HERC6: variants seen among roughly 807,000 people sequenced by gnomAD.
The protein encoded by HERC6 is HECT and RLD domain containing E3 ubiquitin protein ligase family member 6, also known as probable E3 ubiquitin-protein ligase HERC6.
A neutral mutation model predicts 114.5 loss-of-function variants in HERC6; 101 were observed. The observed-to-expected ratio is 0.88, with a 90% CI of 0.75 to 1.04. The LOEUF (loss-of-function observed/expected upper bound fraction) is 1.04. Among genes scored for constraint, HERC6 ranks in the 50% least tolerant of loss-of-function variants. The probability of loss-of-function intolerance (pLI) is 0.00; values close to 1 mark genes in which losing one functional copy is unlikely to be tolerated. For synonymous variants in HERC6, 408 were observed against 436.2 expected, an observed-to-expected ratio of 0.94 and a Z score of 0.81; for missense variants, 1,133 against 1,230.9, an observed-to-expected ratio of 0.92 and a Z score of 1.19.
chr4:88,402,865 G>GA lies in HERC6; in HGVS notation c.1093-2006dup, dbSNP rs970727548. On this transcript the variant is annotated intron_variant, in intron 8 of 22. Transcript: ENST00000264346. The stretch of plus-strand genomic sequence containing the variant: ...TCCCAAGTTTCCTGGGATGTGGGGG[G>GA]AAAAACTCTTCCTCTTGATCAAACT... Among the ~76,000 whole-genome samples the GA allele has an allele frequency of 3.7e-4, 57 of 152,112 alleles. 2 individuals are homozygous for GA. Among genetic ancestry groups the GA allele is most frequent in the Non-Finnish European group, 7.4e-5 (5 of 68,024 alleles).
chr4:88,409,137 A>G (rs10016660), intron 11 of HERC6, among the ~76,000 whole-genome samples: 28,982 of 152,198 alleles, frequency 0.19, 3,080 homozygotes, highest in East Asian at 0.33. Context: ...GGGAAGTTGC[A>G]AATCTTATGA....
intron 9 of HERC6, 90 bp from the exon 10 acceptor site, chr4:88,405,464 G>A (rs566409194): frequency 1.5e-4 from 89 of 580,732 alleles, no homozygotes; most frequent in African/African-American, 1.1e-3. Context: ...ATTATTCCAC[G>A]TCATCATTTA....
chr4:88,392,527 C>T (rs1007698324), intron 4 of HERC6, among the ~76,000 whole-genome samples: 1 of 152,092 alleles, frequency 6.6e-6, no homozygotes, highest in African/African-American at 2.4e-5. Context: ...AATACATTTG[C>T]AGAGCATCTA....
chr4:88,438,214 A>C (rs1738966488), intron 20 of HERC6, among the ~76,000 whole-genome samples: 1 of 152,022 alleles, frequency 6.6e-6, no homozygotes, highest in South Asian at 2.1e-4. Flanking sequence ...CTTTTAAGAT[A>C]AAAGAAAAGG....
chr4:88,412,997 T>G, intron 11 of HERC6, 80 bp from the exon 12 acceptor site: 1 of 1,043,650 alleles, frequency 9.6e-7, no homozygotes, highest in Non-Finnish European at 1.4e-6. Context: ...AGTGAAACCC[T>G]TAATTTCACA....
intron 20 of HERC6, among the ~76,000 whole-genome samples, chr4:88,439,122 G>C (rs531185267): frequency 2.0e-5 from 3 of 150,074 alleles, no homozygotes; most frequent in Non-Finnish European, 4.4e-5. Flanking sequence ...AAATCTAATG[G>C]ATGGTAGAAG....
chr4:88,428,600 C>G lies in HERC6; in HGVS notation c.1956C>G (p.Tyr652Ter). ...TCCAGATGTCAGAAAAGAAAGCATACATGCTTATGCATGAAACAATTCTGC... is the reference window on the plus strand; with the variant it reads ...TCCAGATGTCAGAAAAGAAAGCATAGATGCTTATGCATGAAACAATTCTGC... ...IKMQMSEKKA[Y>*]MLMHETILQK... The change falls in exon 16 of 23, where the codon TAC becomes TAG. Residue 652 changes from tyrosine (Y) to a stop codon, truncating the protein, a stop_gained. Transcript: ENST00000264346. LOFTEE classifies it high-confidence loss of function. The G allele has an allele frequency of 6.3e-7, 1 of 1,597,834 alleles. No homozygotes were observed. The highest frequency in any genetic ancestry group is 8.5e-7 in the Non-Finnish European group (1 of 1,174,738).
At position 88,383,340 on chromosome 4, in the gene HERC6, C is replaced by T; in HGVS notation, c.319C>T (p.Leu107=). Residue 107 remains leucine (L), a synonymous_variant, in exon 2 of 23, where the codon CTG becomes TTG. Coordinates refer to ENST00000264346, the MANE Select transcript of HERC6 (RefSeq NM_017912.4). ...FAWGAGSEGQ[L]GIGEFKEISF... is the part of the protein sequence containing the mutation. Reference sequence around the variant, plus strand: ...ATGGGGAGCTGGTTCTGAAGGGCAGCTGGGGATTGGAGAATTCAAGGAAAT... The same window carrying T: ...ATGGGGAGCTGGTTCTGAAGGGCAGTTGGGGATTGGAGAATTCAAGGAAAT... 6.5e-7 allele frequency: 1 copy of T among 1,539,928 alleles called. No individual in the cohort carries two copies. The highest frequency in any genetic ancestry group is 2.4e-5 in the East Asian group (1 of 42,406).
At chr4:88,422,492 A>G (rs1018973093) in intron 13 of HERC6, among the ~76,000 whole-genome samples, 1 of 152,232 alleles carries the variant, frequency 6.6e-6, no homozygotes, top group African/African-American at 2.4e-5. Flanking sequence ...CTTTTAGATC[A>G]TGAATGGATA....
chr4:88,395,139 T>C lies in HERC6; in HGVS notation c.760-876T>C, dbSNP rs574356752. ...TAAAAACTATATGCCCCCAATTATT[T>C]TTGTTTGTTTTAAATGCATATCTTA... On this transcript the variant is annotated intron_variant, in intron 5 of 22. Coordinates refer to ENST00000264346, the MANE Select transcript of HERC6 (RefSeq NM_017912.4). 3.3e-5 allele frequency among the ~76,000 whole-genome samples: 5 copies of C among 152,344 alleles called. No homozygotes were observed. In the South Asian group the frequency reaches 6.2e-4, roughly 19 times the overall value.
In HERC6 at chr4:88,442,876, G is replaced by A; in HGVS notation, c.*416G>A. 5.1e-6 allele frequency: 1 copy of A among 197,094 alleles called. No homozygotes were observed. The highest frequency in any genetic ancestry group is 1.1e-5 in the Non-Finnish European group (1 of 94,432). 12.2% of individuals were successfully genotyped at this position (197,094 alleles called of 1,614,324 possible). A position where few individuals can be genotyped will look rare whatever the true frequency, so the allele number is the denominator to read the frequency against. On this transcript the variant is annotated 3_prime_UTR_variant, in exon 23 of 23. Transcript: ENST00000264346. ...AAACCACACCAGTCTTGGATTGGCT[G>A]TGAGCCAATTCACCTCAGTCTCTAA... is the stretch of plus-strand genomic sequence containing the variant.
rs1734416385 is a variant in HERC6 at position 88,383,349 on chromosome 4, G to A, written c.328G>A (p.Gly110Arg). The A allele has an allele frequency of 6.6e-7, 1 of 1,522,160 alleles. No individual in the cohort carries two copies. Among genetic ancestry groups the A allele is most frequent in the Non-Finnish European group, 8.8e-7 (1 of 1,137,620 alleles). 94.3% of individuals were successfully genotyped at this position (1,522,160 alleles called of 1,614,324 possible). The part of the protein sequence containing the change: ...GAGSEGQLGI[G>R]EFKEISFTPK... Reference sequence around the variant, plus strand: ...TGGTTCTGAAGGGCAGCTGGGGATTGGAGAATTCAAGGAAATAAGTTTCAC... The same window carrying A: ...TGGTTCTGAAGGGCAGCTGGGGATTAGAGAATTCAAGGAAATAAGTTTCAC... The change falls in exon 2 of 23, where the codon GGA becomes AGA. Residue 110 changes from glycine (G) to arginine (R), a missense_variant. Transcript: ENST00000264346.
chr4:88,385,558 C>T lies in HERC6; in HGVS notation c.419C>T (p.Ser140Phe). The change falls in exon 3 of 23, where the codon TCC becomes TTC. Residue 140 changes from serine to phenylalanine, a missense_variant. Ser to Phe is a radical substitution (Grantham distance 155). Coordinates refer to ENST00000264346, the MANE Select transcript of HERC6 (RefSeq NM_017912.4). ...IIQVSCGHYH[S>F]LALSKDSQVF... ...CAAGTTTCCTGTGGACACTACCACT[C>T]CCTGGCATTATCAAAAGGTAAGAAA... 2 of 1,499,838 alleles carry T rather than the reference C, an allele frequency of 1.3e-6. No homozygotes were observed. The highest frequency in any genetic ancestry group is 1.3e-5 in the South Asian group (1 of 77,338). 92.9% of individuals were successfully genotyped at this position (1,499,838 alleles called of 1,614,324 possible).
intron 1 of HERC6, among the ~76,000 whole-genome samples, chr4:88,379,774 AAT>A (rs1301812353): frequency 9.8e-4 from 76 of 77,700 alleles, no homozygotes; most frequent in Non-Finnish European, 1.2e-3. Flanking sequence ...ATAATATATA[AAT>A]ATATATATAA....
rs1738408661 is a variant in HERC6 at position 88,433,101 on chromosome 4, A to G, written c.2250+1796A>G. ...AGACTCCATCTCAAAAAAGAAAAGT[A>G]ACAAAAAAATTTGTCTTCATTTCTG... On this transcript the variant is annotated intron_variant, in intron 17 of 22. Coordinates refer to ENST00000264346, the MANE Select transcript of HERC6 (RefSeq NM_017912.4). Among the ~76,000 whole-genome samples, 5 of 152,294 alleles carry G rather than the reference A, an allele frequency of 3.3e-5. No individual in the cohort carries two copies. The South Asian group carries it at 1.0e-3, about 32-fold the overall frequency.
In HERC6 at chr4:88,383,344, G is replaced by A; in HGVS notation, c.323G>A (p.Gly108Glu). The change falls in exon 2 of 23, where the codon GGG becomes GAG. Residue 108 changes from glycine (G) to glutamate (E), a missense_variant. Physicochemically the swap from Gly to Glu is moderately conservative, Grantham distance 98. Around this residue, in one of 3 missense-constraint regions of HERC6, gnomAD observed 735 missense variants for 754.0 expected, o/e 0.97. Coordinates refer to ENST00000264346, the MANE Select transcript of HERC6 (RefSeq NM_017912.4). ...AWGAGSEGQL[G>E]IGEFKEISFT... Reference sequence around the variant, plus strand: ...GGAGCTGGTTCTGAAGGGCAGCTGGGGATTGGAGAATTCAAGGAAATAAGT... The same window carrying A: ...GGAGCTGGTTCTGAAGGGCAGCTGGAGATTGGAGAATTCAAGGAAATAAGT... The A allele has an allele frequency of 6.5e-7, 1 of 1,528,578 alleles. No homozygotes were observed. Among genetic ancestry groups the A allele is most frequent in the Non-Finnish European group, 8.8e-7 (1 of 1,140,896 alleles). 94.7% of individuals were successfully genotyped at this position (1,528,578 alleles called of 1,614,324 possible).
Position 88,424,549 on chromosome 4 carries a change from T to TC in HERC6, c.1828-45dup, listed in dbSNP as rs1210635801. 8.5e-6 allele frequency: 12 copies of TC among 1,409,278 alleles called. 1 individual carries two copies. Among genetic ancestry groups the TC allele is most frequent in the Non-Finnish European group, 1.2e-5 (12 of 1,012,042 alleles). The allele number at this position is 1,409,278 out of a possible 1,614,324, so 87.3% of individuals were successfully genotyped here. ...TAAGGTAAAGGAAGTAAGTTTTTTT[T>TC]CATTGTTTTTAATTATCAAAACTAT... On this transcript the variant is annotated intron_variant, in intron 14 of 22. Coordinates refer to ENST00000264346, the MANE Select transcript of HERC6 (RefSeq NM_017912.4).
At chr4:88,406,509 T>C in intron 10 of HERC6, among the ~76,000 whole-genome samples, 1 of 152,228 alleles carries the variant, frequency 6.6e-6, no homozygotes, top group Non-Finnish European at 1.5e-5. Context: ...CACCTAAGGC[T>C]AATTCTTACT....
intron 13 of HERC6, among the ~76,000 whole-genome samples, chr4:88,418,661 C>A (rs1470504788): frequency 6.6e-6 from 1 of 152,194 alleles, no homozygotes; most frequent in Non-Finnish European, 1.5e-5. Context: ...GGTTAAGGCA[C>A]TGGATAAAAA....
Sources: allele counts gnomAD v4.1 joint callset (sites outside exome capture counted in the v4.1 genomes callset), GRCh38; gene constraint gnomAD v4.1.1; regional missense constraint gnomAD v4.1.1; transcripts MANE v1.5; gene names NCBI Gene and HGNC (gene_info 2026-07-23, HGNC 2026-07-21).